Variants in CERS4 observed in about 807,000 individuals in gnomAD.
The protein encoded by CERS4 is LAG1 homolog, ceramide synthase 4.
In CERS4, 65 loss-of-function variants were observed where a neutral mutation model predicts 51.8. The observed-to-expected ratio is 1.26, with a 90% CI of 1.03 to 1.54. The LOEUF is 1.54. Among genes scored for constraint, CERS4 ranks in the 40% most tolerant of loss-of-function variants. CERS4 has a pLI of 0.00. For missense variants in CERS4, 563 were observed against 500.4 expected, an observed-to-expected ratio of 1.13 and a Z score of -1.19; for synonymous variants, 228 against 208.4, an observed-to-expected ratio of 1.09 and a Z score of -0.81.
rs776877996 is a variant in CERS4 at position 8,255,692 on chromosome 19, G to T, written c.377G>T (p.Arg126Leu). 4 of 1,609,606 alleles carry T rather than the reference G, an allele frequency of 2.5e-6. No individual in the cohort carries two copies. The Admixed American group carries it at 6.7e-5, about 27-fold the overall frequency. The change falls in exon 5 of 12, where the codon CGA (arginine) becomes CTA (leucine). Residue 126 changes from arginine (R) to leucine (L), a missense_variant. Physicochemically the swap from Arg to Leu is moderately radical, Grantham distance 102. Transcript: ENST00000251363. ...TTCCGGAGACGCCGGAACCAGGATC[G>T]ACCCCAGCTGACCAAGAAGTTCTGT... ...RWFRRRRNQD[R>L]PQLTKKFCEA...
intron 2 of CERS4, among the ~76,000 whole-genome samples, chr19:8,225,909 A>G (rs959127584): frequency 1.3e-5 from 2 of 151,752 alleles, no homozygotes; most frequent in Non-Finnish European, 2.9e-5. Context: ...TGAAATGAGA[A>G]TGGTGACCGG....
At chr19:8,239,019 T>C (rs1968397889) in intron 2 of CERS4, among the ~76,000 whole-genome samples, 1 of 151,968 alleles carries the variant, frequency 6.6e-6, no homozygotes, top group Non-Finnish European at 1.5e-5. Flanking sequence ...GAGGATCACT[T>C]AAGTCCAAGA....
intron 2 of CERS4, among the ~76,000 whole-genome samples, chr19:8,212,023 A>T (rs373085543): frequency 6.6e-6 from 1 of 151,932 alleles, no homozygotes; most frequent in South Asian, 2.1e-4. Context: ...TGGGTCGCTA[A>T]GGGTAAGGAG....
At position 8,262,209 on chromosome 19, in the gene CERS4, G is replaced by T; in HGVS notation, c.*100G>T. ...CCCTGGGCCACCTTTCTGGAGACAG[G>T]GAGGGCCCCACCCGGGGTGGGTGGG... On this transcript the variant is annotated 3_prime_UTR_variant, in exon 12 of 12. Transcript: ENST00000251363. The T allele has an allele frequency of 7.7e-7, 1 of 1,298,944 alleles. No individual in the cohort carries two copies. Among genetic ancestry groups the T allele is most frequent in the Non-Finnish European group, 1.0e-6 (1 of 1,003,150 alleles). The allele number at this position is 1,298,944 out of a possible 1,614,324, so 80.5% of individuals were successfully genotyped here. A position where few individuals can be genotyped will look rare whatever the true frequency, so the allele number is the denominator to read the frequency against.
chr19:8,251,159 G>A lies in CERS4; in HGVS notation c.83G>A (p.Arg28Gln), dbSNP rs35053924. Residue 28 changes from arginine (R) to glutamine (Q), a missense_variant, in exon 3 of 12, where the codon CGG becomes CAG. Arg to Gln is a conservative substitution (Grantham distance 43, BLOSUM62 1). Transcript: ENST00000251363. ...PNVTWTELED[R>Q]DGRVYPHPQD... ...GTCACGTGGACAGAGCTAGAAGACC[G>A]GGATGGCCGTGTCTACCCCCACCCC... The A allele has an allele frequency of 5.1e-5, 83 of 1,613,404 alleles. No homozygotes were observed. The highest frequency in any genetic ancestry group is 4.6e-4 in the South Asian group (42 of 90,842).
chr19:8,217,396 T>G (rs1188010962), intron 2 of CERS4, among the ~76,000 whole-genome samples: 1 of 151,758 alleles, frequency 6.6e-6, no homozygotes, highest in African/African-American at 2.4e-5. Context: ...TGAGACAGAG[T>G]CTCGCTCTGT....
intron 2 of CERS4, among the ~76,000 whole-genome samples, chr19:8,236,828 C>G (rs1968282318): frequency 6.6e-6 from 1 of 151,116 alleles, no homozygotes; most frequent in South Asian, 2.1e-4. Context: ...ATGGCGAAAC[C>G]CCATCTCTAC....
At position 8,261,808 on chromosome 19, in the gene CERS4, T is replaced by A. The variant is rs1414930268; in HGVS notation, c.969T>A (p.Ile323=). The A allele has an allele frequency of 6.2e-7, 1 of 1,614,156 alleles. No individual in the cohort carries two copies. The highest frequency in any genetic ancestry group is 8.5e-7 in the Non-Finnish European group (1 of 1,180,012). The change falls in exon 11 of 12, where the codon ATT becomes ATA. Residue 323 remains isoleucine, a synonymous_variant. Transcript: ENST00000251363. ...TGCACGTGTTCTGGTCTTGCCTCAT[T>A]CTGCGCATGCTCTATAGCTTCATGA... ...QLLHVFWSCL[I]LRMLYSFMKK... is the part of the protein sequence containing the mutation.
chr19:8,220,967 G>T (rs1000034726), intron 2 of CERS4, among the ~76,000 whole-genome samples: 1 of 151,854 alleles, frequency 6.6e-6, no homozygotes, highest in African/African-American at 2.4e-5. Flanking sequence ...GACTATAGGC[G>T]CCCGCCACGG....
intron 2 of CERS4, 37 bp from the exon 3 acceptor site, chr19:8,251,039 T>G: frequency 6.5e-7 from 1 of 1,540,766 alleles, no homozygotes; most frequent in Non-Finnish European, 8.8e-7. Context: ...CCATTCTGCT[T>G]GCAGACCTCC....
At chr19:8,219,790 G>A (rs1841571815) in intron 2 of CERS4, among the ~76,000 whole-genome samples, 1 of 152,036 alleles carries the variant, frequency 6.6e-6, no homozygotes, top group Admixed American at 6.6e-5. Flanking sequence ...CTGCACTCCA[G>A]CCTGGGCAAC....
intron 2 of CERS4, among the ~76,000 whole-genome samples, chr19:8,242,139 G>A (rs1003670139): frequency 2.0e-5 from 3 of 152,176 alleles, no homozygotes; most frequent in Admixed American, 6.6e-5. Flanking sequence ...AACAGGTGAC[G>A]AAATTGAGGC....
In CERS4 at chr19:8,252,064, TAAA is replaced by T. The variant is rs35675044; in HGVS notation, c.173+826_173+828del. Among the ~76,000 whole-genome samples, 65 of 148,626 alleles carry T rather than the reference TAAA, an allele frequency of 4.4e-4. No homozygotes were observed. In the East Asian group the frequency reaches 6.3e-3, roughly 14 times the overall value. On this transcript the variant is annotated intron_variant, in intron 3 of 11. Coordinates refer to ENST00000251363, the MANE Select transcript of CERS4 (RefSeq NM_024552.3). ...CAACATGGTGAAACCTCATCTCTAT[TAAA>T]AAAAAAAAAATACAAAAATTAGGCT...
rs908016145 is a variant in CERS4 at position 8,256,684 on chromosome 19, A to C, written c.586A>C (p.Arg196=). 4 of 1,613,728 alleles carry C rather than the reference A, an allele frequency of 2.5e-6. No homozygotes were observed. The highest frequency in any genetic ancestry group is 3.4e-6 in the Non-Finnish European group (4 of 1,179,900). Residue 196 remains arginine, a synonymous_variant, in exon 8 of 12, where the codon AGG becomes CGG. Transcript: ENST00000251363. ...GGGTTTCTACCTCTCACTGCTAATC[A>C]GGCTGCCCTTTGATGTCAAGCGCAA... ...ELGFYLSLLI[R]LPFDVKRKDF...
At position 8,251,057 on chromosome 19, in the gene CERS4, C is replaced by A; in HGVS notation, c.-1-19C>A. On this transcript the variant is annotated intron_variant, in intron 2 of 11. Transcript: ENST00000251363. ...TTCTGCTTGCAGACCTCCCAGCTAA[C>A]TGGAACCTGTGTCCACAGAATGCTG... 6.4e-7 allele frequency: 1 copy of A among 1,564,128 alleles called. No individual in the cohort carries two copies.
intron 2 of CERS4, among the ~76,000 whole-genome samples, chr19:8,229,455 G>T (rs1249420269): frequency 6.6e-6 from 1 of 151,530 alleles, no homozygotes; most frequent in Non-Finnish European, 1.5e-5. Flanking sequence ...CTCTCACCCA[G>T]GCTGGAGTTC....
rs528418810 is a variant in CERS4, at chr19:8,250,829, C to A, written c.-1-247C>A. The A allele has an allele frequency of 6.3e-6, 8 of 1,267,878 alleles. No individual in the cohort carries two copies. In the South Asian group the frequency reaches 1.8e-4, roughly 29 times the overall value. The allele number at this position is 1,267,878 out of a possible 1,614,324, so 78.5% of individuals were successfully genotyped here. On this transcript the variant is annotated intron_variant, in intron 2 of 11. Transcript: ENST00000251363. ...TTGCCTGAGGACACACAGCCCAACT[C>A]TGCCTTTTAACACTGACCAGGCAAT...
chr19:8,226,706 GA>G (rs1967802657), intron 2 of CERS4, among the ~76,000 whole-genome samples: 2 of 152,090 alleles, frequency 1.3e-5, no homozygotes, highest in Non-Finnish European at 2.9e-5. Flanking sequence ...AAGAGTTCAA[GA>G]CCAGACTGGG....
chr19:8,259,738 T>G (rs1056459847), intron 10 of CERS4, among the ~76,000 whole-genome samples: 2 of 152,058 alleles, frequency 1.3e-5, no homozygotes, highest in Admixed American at 1.3e-4. Flanking sequence ...GAGAAGGCAG[T>G]GGGCATGCCA....
Sources: allele counts gnomAD v4.1 joint callset (sites outside exome capture counted in the v4.1 genomes callset), GRCh38; gene constraint gnomAD v4.1.1; transcripts MANE v1.5; gene names NCBI Gene and HGNC (gene_info 2026-07-23, HGNC 2026-07-21).